The following PRMT7 variants were observed in gnomAD, a reference collection of about 807,000 sequenced individuals.
PRMT7 encodes protein arginine methyltransferase 7.
Under a neutral mutation model 85.4 loss-of-function variants are expected in PRMT7, and 75 were observed. The observed-to-expected ratio is 0.88, with a 90% CI of 0.73 to 1.06. The LOEUF (loss-of-function observed/expected upper bound fraction) is 1.06. Ranked by LOEUF, PRMT7 falls within the 50% of genes least tolerant of loss-of-function variation. The pLI is 0.00. For missense variants in PRMT7, 868 were observed against 915.2 expected, an observed-to-expected ratio of 0.95 and a Z score of 0.67; for synonymous variants, 397 against 359.5, an observed-to-expected ratio of 1.10 and a Z score of -1.18.
In PRMT7 at chr16:68,347,228, C is replaced by T. The variant is rs528978329; in HGVS notation, c.1209C>T (p.Ser403=). ...QALRTVLKPD[S]VCLCVSDGSL... ...CCCCGCAGGTGCTGAAGCCAGACAG[C>T]GTGTGCCTGTGTGTCAGCGATGGCA... Residue 403 remains serine (S), a synonymous_variant, in exon 12 of 19, where the codon AGC becomes AGT. Transcript: ENST00000441236. 15 of 1,552,898 alleles carry T rather than the reference C, an allele frequency of 9.7e-6. No individual in the cohort carries two copies. The highest frequency in any genetic ancestry group is 1.7e-4 in the Middle Eastern group (1 of 5,994).
intron 5 of PRMT7, among the ~76,000 whole-genome samples, chr16:68,327,243 T>A (rs1850358845): frequency 1.3e-5 from 2 of 152,164 alleles, no homozygotes; most frequent in African/African-American, 4.8e-5. Flanking sequence ...GAAAATCTTA[T>A]CAGGAACAGT....
chr16:68,335,298 A>C (rs538797602), intron 6 of PRMT7, among the ~76,000 whole-genome samples: 6 of 152,334 alleles, frequency 3.9e-5, no homozygotes, highest in African/African-American at 7.2e-5. Context: ...GTGGACAGGC[A>C]GTCAGCGGTC....
intron 16 of PRMT7, among the ~76,000 whole-genome samples, chr16:68,353,874 G>GCCATTTCCATGGTGGGGGCT (rs2087828831): frequency 6.6e-6 from 1 of 152,242 alleles, no homozygotes; most frequent in Non-Finnish European, 1.5e-5. Context: ...TTCTTAGGCA[G>GCCATTTCCATGGTGGGGGCT]CCATTTCCAT....
chr16:68,345,732 C>T lies in PRMT7; in HGVS notation c.985C>T (p.Gln329Ter). 1 of 1,614,072 alleles carries T rather than the reference C, an allele frequency of 6.2e-7. No homozygotes were observed. Among genetic ancestry groups the T allele is most frequent in the Non-Finnish European group, 8.5e-7 (1 of 1,180,040 alleles). Residue 329 changes from glutamine (Q) to a stop codon, truncating the protein, a stop_gained, in exon 10 of 19, where the codon CAG (glutamine) becomes TAG (stop). Coordinates refer to ENST00000441236, the MANE Select transcript of PRMT7 (RefSeq NM_019023.5). LOFTEE classifies it high-confidence loss of function. The stretch of plus-strand genomic sequence containing the variant: ...CCTGCCACAAGAGGAGCCTGTGGTG[C>T]AGGGCTCAGCGCTCTATCTGGTAGC... ...YFLPQEEPVV[Q>*]GSALYLVAHH...
intron 2 of PRMT7, among the ~76,000 whole-genome samples, chr16:68,313,827 T>A (rs1278446231): frequency 6.6e-6 from 1 of 152,212 alleles, no homozygotes; most frequent in African/African-American, 2.4e-5. Context: ...TCTAGCTACT[T>A]GGGAGGCTGA....
chr16:68,328,532 AATG>A (rs1288834103), intron 5 of PRMT7: 2 of 152,776 alleles, frequency 1.3e-5, no homozygotes, highest in African/African-American at 2.4e-5. Context: ...AAAAAAAAAA[AATG>A]GTATACATAA....
At chr16:68,341,050 G>A (rs533484181) in intron 9 of PRMT7, among the ~76,000 whole-genome samples, 41 of 152,372 alleles carry the variant, frequency 2.7e-4, no homozygotes, top group Non-Finnish European at 5.6e-4. Context: ...GTCTTTGGAA[G>A]AATTCCCAGA....
Position 68,345,847 on chromosome 16 carries a change from G to C in PRMT7, c.1055+45G>C, listed in dbSNP as rs762153277. 21 of 1,610,294 alleles carry C rather than the reference G, an allele frequency of 1.3e-5. No homozygotes were observed. In the East Asian group the frequency reaches 2.5e-4, roughly 19 times the overall value. ...GGTGGAGGATGAGCCTCTGAGACTT[G>C]TATGTAAATTCCCCATTTACAGATC... On this transcript the variant is annotated intron_variant, in intron 10 of 18. Coordinates refer to ENST00000441236, the MANE Select transcript of PRMT7 (RefSeq NM_019023.5).
rs1157676759 is a variant in PRMT7 at position 68,312,090 on chromosome 16, A to C, written c.-170A>C. ...GAGTGCAGTGGTGTGATCGAGGCGCACTGCAGCCTTGACCTCCTGGGCTCA... is the reference window on the plus strand; with the variant it reads ...GAGTGCAGTGGTGTGATCGAGGCGCCCTGCAGCCTTGACCTCCTGGGCTCA... On this transcript the variant is annotated 5_prime_UTR_variant, in exon 2 of 19. Transcript: ENST00000441236. 6.6e-6 allele frequency: 1 copy of C among 151,716 alleles called. No homozygotes were observed. Among genetic ancestry groups the C allele is most frequent in the Non-Finnish European group, 1.5e-5 (1 of 67,956 alleles). 9.4% of individuals were successfully genotyped at this position (151,716 alleles called of 1,614,324 possible). A position where few individuals can be genotyped will look rare whatever the true frequency, so the allele number is the denominator to read the frequency against.
intron 3 of PRMT7, among the ~76,000 whole-genome samples, chr16:68,319,709 A>AGTGTGTGTGTGT (rs750593103): frequency 1.3e-3 from 53 of 41,904 alleles, no homozygotes; most frequent in African/African-American, 5.3e-3. Context: ...AATAAGAGTG[A>AGTGTGTGTGTGT]GAGTGTGTGT....
intron 15 of PRMT7, 99 bp from the exon 16 acceptor site, chr16:68,353,393 A>G (rs1340136790): frequency 1.3e-6 from 2 of 1,576,788 alleles, no homozygotes; most frequent in Admixed American, 3.7e-5. Flanking sequence ...GGTCTCTTTC[A>G]GGTGTGCAGG....
intron 6 of PRMT7, among the ~76,000 whole-genome samples, chr16:68,331,506 C>T (rs1422751297): frequency 6.9e-6 from 1 of 145,934 alleles, no homozygotes; most frequent in African/African-American, 2.6e-5. Flanking sequence ...CTTGACCTGT[C>T]CCCCAGGCTG....
At chr16:68,344,242 T>C (rs2085977215) in intron 9 of PRMT7, among the ~76,000 whole-genome samples, 1 of 152,228 alleles carries the variant, frequency 6.6e-6, no homozygotes, top group Non-Finnish European at 1.5e-5. Context: ...TTGTTGGGAT[T>C]ACAGGCATGA....
intron 6 of PRMT7, among the ~76,000 whole-genome samples, chr16:68,332,878 C>G (rs1035696454): frequency 6.6e-6 from 1 of 152,198 alleles, no homozygotes; most frequent in African/African-American, 2.4e-5. Context: ...TGTGTTGCCT[C>G]TTGCTCAACA....
At chr16:68,341,775 A>G (rs1005811509) in intron 9 of PRMT7, among the ~76,000 whole-genome samples, 2 of 152,224 alleles carry the variant, frequency 1.3e-5, no homozygotes, top group Non-Finnish European at 2.9e-5. Context: ...GTCATCAGAC[A>G]GAAACGTAAA....
chr16:68,356,971 G>A (rs1312459539), intron 18 of PRMT7, 83 bp from the exon 19 acceptor site: 13 of 1,474,086 alleles, frequency 8.8e-6, no homozygotes, highest in Admixed American at 8.0e-5. Context: ...TCTCTGCTGC[G>A]AGCTGCCTGG....
At chr16:68,311,187 A>T in intron 1 of PRMT7, 88 bp downstream of exon 1, 1 of 590,012 alleles carries the variant, frequency 1.7e-6, no homozygotes. Flanking sequence ...GGGTTTCGGC[A>T]GAGGAGCCTA....
In PRMT7 at chr16:68,358,579, A is replaced by C. The variant is rs7203660; in HGVS notation, c.*1355A>C. ...TACAGAAATTAAAAAAGTTTTTATA[A>C]CAGTATTTCTAAATCTCAGCAAGTT... On this transcript the variant is annotated 3_prime_UTR_variant, in exon 19 of 19. Coordinates refer to ENST00000441236, the MANE Select transcript of PRMT7 (RefSeq NM_019023.5). The C allele has an allele frequency of 0.071, 10,867 of 152,744 alleles. 1,153 individuals carry two copies. Among genetic ancestry groups the C allele is most frequent in the African/African-American group, 0.23 (9,663 of 41,544 alleles). The allele number at this position is 152,744 out of a possible 1,614,324, so 9.5% of individuals were successfully genotyped here. A position where few individuals can be genotyped will look rare whatever the true frequency, so the allele number is the denominator to read the frequency against.
chr16:68,324,540 C>T, intron 4 of PRMT7, 143 bp from the exon 5 acceptor site: 1 of 970,110 alleles, frequency 1.0e-6, no homozygotes, highest in Non-Finnish European at 1.5e-6. Context: ...CCCAACTCAG[C>T]CAGAGCTGTT....
Sources: gnomAD v4.1 joint callset for allele counts (sites outside exome capture counted in the v4.1 genomes callset) on GRCh38, gnomAD v4.1.1 for gene constraint, MANE v1.5 for transcripts, NCBI Gene and HGNC (gene_info 2026-07-23, HGNC 2026-07-21) for gene names.